ZNF557: variants seen among roughly 807,000 people sequenced by gnomAD.
ZNF557 encodes zinc finger protein 557.
A neutral mutation model predicts 21.2 loss-of-function variants in ZNF557; 19 were observed. The ratio of observed to expected loss-of-function variants is 0.90; its 90% CI spans 0.63 to 1.32. The LOEUF is 1.32. Among genes scored for constraint, ZNF557 ranks in the 40% most tolerant of loss-of-function variants. The probability of loss-of-function intolerance (pLI) is 0.00; values close to 1 mark genes in which losing one functional copy is unlikely to be tolerated. For synonymous variants in ZNF557, 207 were observed against 194.8 expected, an observed-to-expected ratio of 1.06 and a Z score of -0.52; for missense variants, 487 against 519.8, an observed-to-expected ratio of 0.94 and a Z score of 0.61.
chr19:7,074,444 C>T (rs1318766211), intron 2 of ZNF557, among the ~76,000 whole-genome samples: 1 of 151,288 alleles, frequency 6.6e-6, no homozygotes, highest in Non-Finnish European at 1.5e-5. Context: ...ACGATAATAA[C>T]CTCTATTGAT....
chr19:7,075,944 A>G (rs567182349), intron 4 of ZNF557, among the ~76,000 whole-genome samples: 1 of 152,164 alleles, frequency 6.6e-6, no homozygotes, highest in African/African-American at 2.4e-5. Context: ...CCCTGAGTAC[A>G]TCATGTGCTC....
At chr19:7,071,427 C>A (rs1977454116) in intron 2 of ZNF557, among the ~76,000 whole-genome samples, 1 of 152,144 alleles carries the variant, frequency 6.6e-6, no homozygotes, top group Non-Finnish European at 1.5e-5. Flanking sequence ...GTGGTTAATG[C>A]CCCTATTGAA....
chr19:7,082,587 G>T (rs182129054), intron 7 of ZNF557, among the ~76,000 whole-genome samples: 1 of 152,242 alleles, frequency 6.6e-6, no homozygotes, highest in Admixed American at 6.5e-5. Context: ...ATTCCCACAA[G>T]TAAATATTTC....
At chr19:7,075,901 C>T (rs546951229) in intron 4 of ZNF557, among the ~76,000 whole-genome samples, 158 bp downstream of exon 4, 4 of 152,200 alleles carry the variant, frequency 2.6e-5, no homozygotes, top group East Asian at 1.9e-4. Flanking sequence ...TGTGTGTCAA[C>T]GTTTACTGCA....
rs928191877 is a variant in ZNF557, at chr19:7,076,581, G to A, written c.247+74G>A. 10 of 1,556,826 alleles carry A rather than the reference G, an allele frequency of 6.4e-6. No individual in the cohort carries two copies. In the Admixed American group the frequency reaches 1.8e-4, roughly 28 times the overall value. On this transcript the variant is annotated intron_variant, in intron 5 of 7. Coordinates refer to ENST00000252840, the MANE Select transcript of ZNF557 (RefSeq NM_024341.3). The stretch of plus-strand genomic sequence containing the variant: ...TCTTTTTTTTCTTTTTTTAAATTGA[G>A]GTAACACAGGACACAAAAGTCACCA...
At chr19:7,082,637 T>C (rs1977736350) in intron 7 of ZNF557, among the ~76,000 whole-genome samples, 1 of 152,162 alleles carries the variant, frequency 6.6e-6, no homozygotes, top group African/African-American at 2.4e-5. Context: ...GAAAAAGAAA[T>C]TAGCCTTAAA....
chr19:7,083,228 T>TG lies in ZNF557; in HGVS notation c.779dup (p.Glu261ArgfsTer7), dbSNP rs779383219. 6.2e-7 allele frequency: 1 copy of TG among 1,614,234 alleles called. No individual in the cohort carries two copies. Among genetic ancestry groups the TG allele is most frequent in the South Asian group, 1.1e-5 (1 of 91,092 alleles). Reference sequence around the variant, plus strand: ...TCAGACCGCACTTGAGAATTCACACTGGAGAAAAACCGTACAAATGTAACC... The same window carrying TG: ...TCAGACCGCACTTGAGAATTCACACTGGGAGAAAAACCGTACAAATGTAACC... On this transcript the variant is annotated frameshift_variant, in exon 8 of 8. Transcript: ENST00000252840. LOFTEE classifies it low-confidence loss of function (END_TRUNC).
chr19:7,070,075 A>G (rs937681808), intron 1 of ZNF557, among the ~76,000 whole-genome samples: 1 of 152,178 alleles, frequency 6.6e-6, no homozygotes, highest in African/African-American at 2.4e-5. Flanking sequence ...GAGGCCAGGG[A>G]TGCTAGCAGC....
intron 1 of ZNF557, among the ~76,000 whole-genome samples, chr19:7,070,241 C>A (rs1410105868): frequency 6.6e-6 from 1 of 152,158 alleles, no homozygotes; most frequent in Non-Finnish European, 1.5e-5. Flanking sequence ...CAGCCGAGTC[C>A]ACTTATAAGG....
intron 5 of ZNF557, among the ~76,000 whole-genome samples, chr19:7,077,167 A>G (rs2099116): frequency 0.87 from 112,099 of 129,444 alleles, 48,370 homozygotes; most frequent in Middle Eastern, 0.89. Context: ...ATGGAGTTTC[A>G]CTCTGTTACC....
At chr19:7,082,302 A>T (rs1240398560) in intron 7 of ZNF557, among the ~76,000 whole-genome samples, 1 of 151,934 alleles carries the variant, frequency 6.6e-6, no homozygotes, top group African/African-American at 2.4e-5. Context: ...GCGCACCTGT[A>T]ATCCCAAATA....
chr19:7,084,813 C>T lies in ZNF557; in HGVS notation c.*1069C>T, dbSNP rs974696818. 2 of 152,034 alleles carry T rather than the reference C, an allele frequency of 1.3e-5. No individual in the cohort carries two copies. Among genetic ancestry groups the T allele is most frequent in the African/African-American group, 4.8e-5 (2 of 41,380 alleles). 9.4% of individuals were successfully genotyped at this position (152,034 alleles called of 1,614,324 possible). On this transcript the variant is annotated 3_prime_UTR_variant, in exon 8 of 8. Transcript: ENST00000252840. ...CTACTGGGGAGCTGCCCAGGTAATGCAGTAGCTGTAGGAAAGCCTTCAGTG... is the reference window on the plus strand; with the variant it reads ...CTACTGGGGAGCTGCCCAGGTAATGTAGTAGCTGTAGGAAAGCCTTCAGTG...
intron 2 of ZNF557, among the ~76,000 whole-genome samples, chr19:7,071,665 G>A (rs923109919): frequency 3.3e-5 from 5 of 151,772 alleles, no homozygotes; most frequent in African/African-American, 1.2e-4. Flanking sequence ...CCAACAGGGT[G>A]AAACCCCGTC....
intron 2 of ZNF557, among the ~76,000 whole-genome samples, chr19:7,073,285 G>A (rs925898500): frequency 2.0e-5 from 3 of 151,154 alleles, no homozygotes; most frequent in African/African-American, 7.3e-5. Flanking sequence ...CAAGTAGCTG[G>A]GATTACAGGC....
At chr19:7,082,838 A>G (rs1355246206) in intron 7 of ZNF557, 40 bp from the exon 8 acceptor site, 1 of 1,514,268 alleles carries the variant, frequency 6.6e-7, no homozygotes, top group Non-Finnish European at 8.8e-7. Context: ...AATGTTAAAA[A>G]TATTATAAAT....
chr19:7,083,102 C>A lies in ZNF557; in HGVS notation c.651C>A (p.Phe217Leu), dbSNP rs757133252. ...PYECNDCGKT[F>L]SSRSYLTVHK... ...AATGCAATGACTGTGGGAAAACCTT[C>A]AGCAGCAGATCTTACCTTACTGTTC... Residue 217 changes from phenylalanine (F) to leucine (L), a missense_variant, in exon 8 of 8, where the codon TTC (phenylalanine) becomes TTA (leucine). Coordinates refer to ENST00000252840, the MANE Select transcript of ZNF557 (RefSeq NM_024341.3). 1 of 1,614,152 alleles carries A rather than the reference C, an allele frequency of 6.2e-7. No homozygotes were observed. The highest frequency in any genetic ancestry group is 1.1e-5 in the South Asian group (1 of 91,084).
At chr19:7,077,974 G>C (rs1977620781) in intron 5 of ZNF557, among the ~76,000 whole-genome samples, 1 of 151,932 alleles carries the variant, frequency 6.6e-6, no homozygotes, top group Non-Finnish European at 1.5e-5. Flanking sequence ...TCATTCAAGT[G>C]CTTTTTCCAT....
At chr19:7,077,132 C>CTTTTTTTT (rs4031071) in intron 5 of ZNF557, among the ~76,000 whole-genome samples, 2,169 of 78,266 alleles carry the variant, frequency 0.028, 61 homozygotes, top group African/African-American at 0.031. Context: ...TGTTTTCTTT[C>CTTTTTTTT]TTTTTTTTTT....
Position 7,075,677 on chromosome 19 carries a change from C to G in ZNF557, c.54C>G (p.Ala18=). The G allele has an allele frequency of 6.2e-7, 1 of 1,613,714 alleles. No individual in the cohort carries two copies. ...PTAALSSLFP[A]SQREGHTEGG... ...CAGCTCTGTCTTCCCTGTTCCCAGC[C>G]TCTCAGCGAGAAGGACACACAGAGG... is the stretch of plus-strand genomic sequence containing the variant. Residue 18 remains alanine (A), a synonymous_variant, in exon 4 of 8, where the codon GCC becomes GCG. Transcript: ENST00000252840.
Sources: allele counts gnomAD v4.1 joint callset (sites outside exome capture counted in the v4.1 genomes callset), GRCh38; gene constraint gnomAD v4.1.1; transcripts MANE v1.5; gene names NCBI Gene and HGNC (gene_info 2026-07-23, HGNC 2026-07-21).